LONRF1: variants seen among roughly 807,000 people sequenced by gnomAD.
The protein encoded by LONRF1 is LON peptidase N-terminal domain and ring finger 1.
In LONRF1, 37 loss-of-function variants were observed where a neutral mutation model predicts 85.8. The ratio of observed to expected loss-of-function variants is 0.43; its 90% CI spans 0.33 to 0.57. LONRF1 has a LOEUF of 0.57. Among genes scored for constraint, LONRF1 ranks in the 20% least tolerant of loss-of-function variants. The probability of loss-of-function intolerance (pLI) is 0.04; values close to 1 mark genes in which losing one functional copy is unlikely to be tolerated. For missense variants in LONRF1, 1,036 were observed against 978.0 expected (o/e 1.06, Z -0.79); for synonymous variants, 517 against 390.1 (o/e 1.33, Z -3.83).
chr8:12,735,919 T>C (rs1038386143), intron 6 of LONRF1, among the ~76,000 whole-genome samples: 1 of 152,190 alleles, frequency 6.6e-6, no homozygotes, highest in African/African-American at 2.4e-5. Flanking sequence ...TGCAGTTGAA[T>C]CCTAATGTTA....
chr8:12,729,119 T>C (rs774409978), intron 9 of LONRF1, 55 bp downstream of exon 9: 3 of 1,610,316 alleles, frequency 1.9e-6, no homozygotes, highest in African/African-American at 2.7e-5. Flanking sequence ...CAAGTTCTCA[T>C]CCATATTGAG....
rs189975143 is a variant in LONRF1, at chr8:12,755,093, C to T, written c.328G>A (p.Val110Ile). 1,754 of 1,471,124 alleles carry T rather than the reference C, an allele frequency of 1.2e-3. 22 individuals are homozygous for T. In the East Asian group the frequency reaches 0.041, roughly 35 times the overall value. The allele number at this position is 1,471,124 out of a possible 1,614,324, so 91.1% of individuals were successfully genotyped here. ...CCGGCGCCGCCGTCAGCGCCTGCAACCGGGGCCGCGCTCCAGCCCAGCCCG... is the reference window on the plus strand; with the variant it reads ...CCGGCGCCGCCGTCAGCGCCTGCAATCGGGGCCGCGCTCCAGCCCAGCCCG... ...RHGLGWSAAP[V>I]AGADGGAGGL... The change falls in exon 1 of 12, where the codon GTT (valine) becomes ATT (isoleucine). Residue 110 changes from valine (V) to isoleucine (I), a missense_variant. Coordinates refer to ENST00000398246, the MANE Select transcript of LONRF1 (RefSeq NM_152271.5).
chr8:12,737,161 A>C (rs1426589836), intron 4 of LONRF1, 21 bp from the exon 5 acceptor site: 1 of 1,605,506 alleles, frequency 6.2e-7, no homozygotes, highest in Admixed American at 1.7e-5. Context: ...ACAATAAACA[A>C]AGGTAACTGT....
At chr8:12,725,490 C>T (rs1798261214) in intron 11 of LONRF1, among the ~76,000 whole-genome samples, 1 of 152,196 alleles carries the variant, frequency 6.6e-6, no homozygotes, top group African/African-American at 2.4e-5. Context: ...CTTTCTGGCA[C>T]TCTCTCCTAC....
At chr8:12,753,262 A>G (rs1158066664) in intron 1 of LONRF1, 4 of 152,216 alleles carry the variant, frequency 2.6e-5, no homozygotes, top group Non-Finnish European at 5.9e-5. Flanking sequence ...AGATCTTGAC[A>G]TTAGTTCAAT....
At chr8:12,724,038 G>T (rs1026807476) in intron 11 of LONRF1, among the ~76,000 whole-genome samples, 1 of 152,086 alleles carries the variant, frequency 6.6e-6, no homozygotes, top group African/African-American at 2.4e-5. Context: ...ATGACAAAAG[G>T]AGCTACGACA....
intron 1 of LONRF1, among the ~76,000 whole-genome samples, chr8:12,747,752 CTCTCTTTT>C (rs1167795024): frequency 2.0e-5 from 3 of 147,472 alleles, no homozygotes; most frequent in East Asian, 1.9e-4. Context: ...ACTGAAATCT[CTCTCTTTT>C]TTTTTTTTTT....
intron 1 of LONRF1, among the ~76,000 whole-genome samples, chr8:12,746,107 T>A (rs1375434367): frequency 6.6e-6 from 1 of 152,182 alleles, no homozygotes; most frequent in African/African-American, 2.4e-5. Flanking sequence ...ATGATATTCC[T>A]CAAATCTCCC....
At chr8:12,744,020 A>G (rs1212983911) in intron 1 of LONRF1, among the ~76,000 whole-genome samples, 1 of 152,206 alleles carries the variant, frequency 6.6e-6, no homozygotes, top group Non-Finnish European at 1.5e-5. Context: ...ACTGCAATCA[A>G]TTACTACAGG....
chr8:12,747,695 T>C (rs1325083261), intron 1 of LONRF1, among the ~76,000 whole-genome samples: 5 of 151,946 alleles, frequency 3.3e-5, no homozygotes, highest in South Asian at 4.2e-4. Flanking sequence ...AAACTTTCTT[T>C]ACAGGTTAAA....
chr8:12,743,693 G>A (rs578062735), intron 1 of LONRF1, among the ~76,000 whole-genome samples: 37 of 152,050 alleles, frequency 2.4e-4, no homozygotes, highest in Middle Eastern at 3.4e-3. Flanking sequence ...TATAAAAATA[G>A]CCATACGTGT....
In LONRF1 at chr8:12,743,236, A is replaced by G. The variant is rs746538718; in HGVS notation, c.768T>C (p.Ala256=). The G allele has an allele frequency of 5.0e-6, 8 of 1,613,176 alleles. No individual in the cohort carries two copies. The highest frequency in any genetic ancestry group is 6.8e-6 in the Non-Finnish European group (8 of 1,179,360). Reference sequence around the variant, plus strand: ...TGGCTGCTTTAAACTCTTGGAGACCAGCATATGATTCCGCTCTGTAAATTT... The same window carrying G: ...TGGCTGCTTTAAACTCTTGGAGACCGGCATATGATTCCGCTCTGTAAATTT... ...IVKIYRAESY[A]GLQEFKAAIE... The change falls in exon 2 of 12, where the codon GCT becomes GCC. Residue 256 remains alanine, a synonymous_variant. Coordinates refer to ENST00000398246, the MANE Select transcript of LONRF1 (RefSeq NM_152271.5).
intron 7 of LONRF1, among the ~76,000 whole-genome samples, chr8:12,734,770 A>G (rs1798656252): frequency 6.6e-6 from 1 of 152,228 alleles, no homozygotes; most frequent in African/African-American, 2.4e-5. Flanking sequence ...TAAAATGTAA[A>G]TATAGTTCCT....
At chr8:12,733,425 A>G (rs1056625013) in intron 7 of LONRF1, among the ~76,000 whole-genome samples, 42 of 152,138 alleles carry the variant, frequency 2.8e-4, no homozygotes, top group African/African-American at 9.4e-4. Flanking sequence ...CAAAAATTTA[A>G]CCTAAGGAAA....
At chr8:12,737,901 G>A in intron 4 of LONRF1, 94 bp downstream of exon 4, 1 of 1,265,958 alleles carries the variant, frequency 7.9e-7, no homozygotes, top group Non-Finnish European at 1.1e-6. Flanking sequence ...AAGTACTTAA[G>A]TAGGTGCTAG....
intron 11 of LONRF1, among the ~76,000 whole-genome samples, chr8:12,724,482 C>T (rs968323848): frequency 6.6e-6 from 1 of 152,112 alleles, no homozygotes; most frequent in African/African-American, 2.4e-5. Context: ...ACATCCCTGA[C>T]CTTCACTCCC....
rs1273610714 is a variant in LONRF1, at chr8:12,722,868, T to C, written c.*228A>G. Reference sequence around the variant, plus strand: ...TGGTACATAGTGCAACTTCACAATGTAGAGGTTCGACACACATTCAATGCG... The same window carrying C: ...TGGTACATAGTGCAACTTCACAATGCAGAGGTTCGACACACATTCAATGCG... On this transcript the variant is annotated 3_prime_UTR_variant, in exon 12 of 12. Transcript: ENST00000398246. 15 of 443,662 alleles carry C rather than the reference T, an allele frequency of 3.4e-5. No individual in the cohort carries two copies. Among genetic ancestry groups the C allele is most frequent in the African/African-American group, 7.9e-5 (4 of 50,790 alleles). The allele number at this position is 443,662 out of a possible 1,614,324, so 27.5% of individuals were successfully genotyped here.
In LONRF1 at chr8:12,725,753, T is replaced by A. The variant is rs1798273311; in HGVS notation, c.2137A>T (p.Met713Leu). The A allele has an allele frequency of 6.2e-7, 1 of 1,613,216 alleles. No homozygotes were observed. The highest frequency in any genetic ancestry group is 8.5e-7 in the Non-Finnish European group (1 of 1,179,316). The change falls in exon 11 of 12, where the codon ATG becomes TTG. Residue 713 changes from methionine (M) to leucine (L), a missense_variant. Coordinates refer to ENST00000398246, the MANE Select transcript of LONRF1 (RefSeq NM_152271.5). ...TGAAGGTTTTCCTCCCTCTCGGGCATTGATCCGAAATGCTGAAGAATTTGG... is the reference window on the plus strand; with the variant it reads ...TGAAGGTTTTCCTCCCTCTCGGGCAATGATCCGAAATGCTGAAGAATTTGG... ...RSQILQHFGS[M>L]PEREENLQAA...
At chr8:12,728,650 C>G (rs1215906269) in intron 10 of LONRF1, among the ~76,000 whole-genome samples, 1 of 152,216 alleles carries the variant, frequency 6.6e-6, no homozygotes, top group East Asian at 1.9e-4. Context: ...CACATACATT[C>G]TAGGCACTGG....
Sources: gnomAD v4.1 joint callset for allele counts (sites outside exome capture counted in the v4.1 genomes callset) on GRCh38, gnomAD v4.1.1 for gene constraint, MANE v1.5 for transcripts, NCBI Gene and HGNC (gene_info 2026-07-23, HGNC 2026-07-21) for gene names.